The following SLCO2A1 variants were observed in gnomAD, a reference collection of about 807,000 sequenced individuals.
SLCO2A1 encodes matrin F/G 1.
A neutral mutation model predicts 71.7 loss-of-function variants in SLCO2A1; 60 were observed. The observed-to-expected ratio is 0.84, with a 90% confidence interval of 0.68 to 1.04. The LOEUF (loss-of-function observed/expected upper bound fraction) is 1.04, where lower values mean the gene tolerates loss of function less well. Among genes scored for constraint, SLCO2A1 ranks in the 50% least tolerant of loss-of-function variants. The pLI, the probability that SLCO2A1 is intolerant of heterozygous loss-of-function variation, is 0.00. For synonymous variants in SLCO2A1, 308 were observed against 326.7 expected (o/e 0.94, Z 0.62); for missense variants, 745 against 813.4 (o/e 0.92, Z 1.02).
intron 7 of SLCO2A1, 57 bp downstream of exon 7, chr3:133,948,836 G>T (rs1346930684): frequency 6.3e-7 from 1 of 1,596,070 alleles, no homozygotes; most frequent in Non-Finnish European, 8.6e-7. Context: ...GGTCCCCCTG[G>T]CCACTATCCC....
intron 1 of SLCO2A1, among the ~76,000 whole-genome samples, chr3:133,989,915 C>T (rs1934801207): frequency 6.6e-6 from 1 of 152,238 alleles, no homozygotes; most frequent in Non-Finnish European, 1.5e-5. Flanking sequence ...TATCAGATCA[C>T]TTTGTGGGAA....
chr3:133,945,440 G>A (rs1933549398), intron 9 of SLCO2A1, among the ~76,000 whole-genome samples, 180 bp from the exon 10 acceptor site: 1 of 152,200 alleles, frequency 6.6e-6, no homozygotes, highest in Admixed American at 6.5e-5. Flanking sequence ...ATTTGCCACT[G>A]TTTAGTGGTC....
intron 1 of SLCO2A1, among the ~76,000 whole-genome samples, chr3:134,010,561 G>A (rs9833296): frequency 0.031 from 4,742 of 152,156 alleles, 103 homozygotes; most frequent in Middle Eastern, 0.054. Flanking sequence ...AGACCAGCCT[G>A]ACCAACATGG....
chr3:133,966,392 AATGT>A (rs561500256), intron 3 of SLCO2A1, among the ~76,000 whole-genome samples: 124 of 152,320 alleles, frequency 8.1e-4, no homozygotes, highest in Non-Finnish European at 1.4e-3. Flanking sequence ...GGAGAAGCAC[AATGT>A]ATGAGACAGA....
chr3:133,960,860 T>C (rs1934017891), intron 3 of SLCO2A1, among the ~76,000 whole-genome samples: 1 of 151,924 alleles, frequency 6.6e-6, no homozygotes, highest in South Asian at 2.1e-4. Flanking sequence ...GCCTCTGAAC[T>C]GAGAAGAATC....
chr3:133,951,610 C>A (rs1576430956), intron 5 of SLCO2A1, among the ~76,000 whole-genome samples: 1 of 152,316 alleles, frequency 6.6e-6, no homozygotes, highest in East Asian at 1.9e-4. Flanking sequence ...ATTCAACTCC[C>A]AGCCCTTGGC....
At chr3:133,989,462 A>C (rs1341919872) in intron 1 of SLCO2A1, among the ~76,000 whole-genome samples, 2 of 152,142 alleles carry the variant, frequency 1.3e-5, no homozygotes, top group African/African-American at 4.8e-5. Context: ...GCACAACCAC[A>C]CTGACAACCC....
chr3:133,951,524 A>G (rs1933746931), intron 5 of SLCO2A1, among the ~76,000 whole-genome samples, 180 bp from the exon 6 acceptor site: 1 of 152,228 alleles, frequency 6.6e-6, no homozygotes, highest in African/African-American at 2.4e-5. Flanking sequence ...GTCTTCCCAG[A>G]GGACCAAGGC....
At chr3:134,003,423 T>C (rs1689060685) in intron 1 of SLCO2A1, among the ~76,000 whole-genome samples, 2 of 152,322 alleles carry the variant, frequency 1.3e-5, no homozygotes, top group South Asian at 2.1e-4. Flanking sequence ...CTGATCTTTA[T>C]GGCTCTGGCA....
At chr3:134,020,896 T>C (rs950480006) in intron 1 of SLCO2A1, among the ~76,000 whole-genome samples, 2 of 151,230 alleles carry the variant, frequency 1.3e-5, no homozygotes, top group African/African-American at 4.9e-5. Context: ...TGATCACCCA[T>C]GGTGTGCCTT....
intron 3 of SLCO2A1, among the ~76,000 whole-genome samples, chr3:133,959,120 C>T (rs369399068): frequency 6.6e-6 from 1 of 152,188 alleles, no homozygotes; most frequent in Non-Finnish European, 1.5e-5. Context: ...GTGATACCTG[C>T]GTCACAGGGG....
intron 1 of SLCO2A1, among the ~76,000 whole-genome samples, chr3:133,983,254 C>T (rs983179590): frequency 1.3e-5 from 2 of 152,180 alleles, no homozygotes; most frequent in African/African-American, 4.8e-5. Flanking sequence ...CCCAGTCTTC[C>T]TTACTCATGG....
rs763452273 is a variant in SLCO2A1 at position 133,951,244 on chromosome 3, A to C, written c.825T>G (p.Phe275Leu). The change falls in exon 6 of 14, where the codon TTT becomes TTG. Residue 275 changes from phenylalanine (F) to leucine (L), a missense_variant. By Grantham distance (22) the Phe-to-Leu change is conservative. Coordinates refer to ENST00000310926, the MANE Select transcript of SLCO2A1 (RefSeq NM_005630.3). ...TGGGCATTGCTCGAGGGAAGAAAAA[A>C]AAGGGGAAAGAGGTGAGAACCAATA... ...SALLVLTSFP[F>L]FFFPRAMPIG... is the part of the protein sequence containing the mutation. 1 of 1,614,166 alleles carries C rather than the reference A, an allele frequency of 6.2e-7. No homozygotes were observed. Among genetic ancestry groups the C allele is most frequent in the South Asian group, 1.1e-5 (1 of 91,078 alleles).
intron 5 of SLCO2A1, among the ~76,000 whole-genome samples, chr3:133,951,911 C>T (rs1448927951): frequency 6.6e-6 from 1 of 152,192 alleles, no homozygotes; most frequent in Non-Finnish European, 1.5e-5. Context: ...CAAAGGAGGC[C>T]CCATAATCCT....
At chr3:134,015,142 G>A (rs1173970196) in intron 1 of SLCO2A1, among the ~76,000 whole-genome samples, 1 of 152,122 alleles carries the variant, frequency 6.6e-6, no homozygotes, top group Non-Finnish European at 1.5e-5. Flanking sequence ...CCAACTTCAG[G>A]ACTTGCTCTA....
chr3:133,955,549 G>T (rs1355437915), intron 3 of SLCO2A1, among the ~76,000 whole-genome samples: 5 of 152,132 alleles, frequency 3.3e-5, no homozygotes, highest in Non-Finnish European at 1.5e-5. Context: ...GGAGGAAAGG[G>T]GCACCCAGCT....
intron 1 of SLCO2A1, among the ~76,000 whole-genome samples, chr3:133,996,213 TG>T (rs1044632050): frequency 6.6e-6 from 1 of 152,160 alleles, no homozygotes; most frequent in Non-Finnish European, 1.5e-5. Context: ...AACCTCTGCC[TG>T]GGGGTGGCCT....
At position 133,948,519 on chromosome 3, in the gene SLCO2A1, G is replaced by T. The variant is rs777785179; in HGVS notation, c.1105+17C>A. 2 of 1,608,714 alleles carry T rather than the reference G, an allele frequency of 1.2e-6. No individual in the cohort carries two copies. The highest frequency in any genetic ancestry group is 3.3e-5 in the Admixed American group (2 of 59,710). ...CCAGGCAAGCCCTGCGGATCCTGCA[G>T]CACCCTCTGGGCTCACCAATGAGGA... On this transcript the variant is annotated intron_variant, in intron 8 of 13. Transcript: ENST00000310926.
At chr3:133,983,721 G>C (rs1934645094) in intron 1 of SLCO2A1, among the ~76,000 whole-genome samples, 1 of 152,216 alleles carries the variant, frequency 6.6e-6, no homozygotes, top group African/African-American at 2.4e-5. Flanking sequence ...AAAAATCCCA[G>C]CACCCTGTGC....
Sources: allele counts gnomAD v4.1 joint callset (sites outside exome capture counted in the v4.1 genomes callset), GRCh38; gene constraint gnomAD v4.1.1; transcripts MANE v1.5; gene names NCBI Gene and HGNC (gene_info 2026-07-23, HGNC 2026-07-21).